Variants in NCBP1 observed in about 807,000 individuals in gnomAD.
NCBP1 encodes the protein nuclear cap binding protein subunit 1, also known as nuclear cap-binding protein subunit 1.
A neutral mutation model predicts 111.7 loss-of-function variants in NCBP1; 16 were observed. The ratio of observed to expected loss-of-function variants is 0.14; its 90% CI spans 0.10 to 0.22. The LOEUF (loss-of-function observed/expected upper bound fraction) is 0.22. NCBP1 is among the 10% of genes least tolerant of loss of function. NCBP1 has a pLI of 1.00. For missense variants in NCBP1, 607 were observed against 957.5 expected (o/e 0.63, Z 4.83); for synonymous variants, 304 against 314.3 (o/e 0.97, Z 0.35).
Position 97,666,208 on chromosome 9 carries a change from TTAG to T in NCBP1, c.1902-552_1902-550del, listed in dbSNP as rs781722175. Among the ~76,000 whole-genome samples the T allele has an allele frequency of 1.0e-3, 155 of 152,346 alleles. No individual in the cohort carries two copies. The Middle Eastern group carries it at 0.017, about 17-fold the overall frequency. ...ATTTCAAAGCACCTACAAAGTGATC[TTAG>T]TATGTATTTGCTAGTAAGAAAGCTG... On this transcript the variant is annotated intron_variant, in intron 19 of 22. Coordinates refer to ENST00000375147, the MANE Select transcript of NCBP1 (RefSeq NM_002486.5).
At chr9:97,655,330 T>C (rs555233724) in intron 12 of NCBP1, among the ~76,000 whole-genome samples, 1 of 152,262 alleles carries the variant, frequency 6.6e-6, no homozygotes, top group East Asian at 1.9e-4. Context: ...CCTGCCTTAG[T>C]CTCCATCCCG....
intron 17 of NCBP1, 92 bp downstream of exon 17, chr9:97,662,236 A>G: frequency 1.1e-6 from 1 of 950,742 alleles, no homozygotes; most frequent in Non-Finnish European, 1.7e-6. Flanking sequence ...ATTGTTGAAT[A>G]TGAAGATCTT....
rs575458346 is a variant in NCBP1, at chr9:97,645,845, A to G, written c.611+113A>G. Reference sequence around the variant, plus strand: ...TGTAGAGTTCCTGAAGGTATTTTCTAGGTAATCCTGTTCTCCTGCTGTTTT... The same window carrying G: ...TGTAGAGTTCCTGAAGGTATTTTCTGGGTAATCCTGTTCTCCTGCTGTTTT... On this transcript the variant is annotated intron_variant, in intron 6 of 22. Coordinates refer to ENST00000375147, the MANE Select transcript of NCBP1 (RefSeq NM_002486.5). The G allele has an allele frequency of 9.4e-5, 121 of 1,293,344 alleles. 2 individuals are homozygous for G. The South Asian group carries it at 1.7e-3, about 18-fold the overall frequency. 80.1% of individuals were successfully genotyped at this position (1,293,344 alleles called of 1,614,324 possible).
chr9:97,660,703 C>T lies in NCBP1; in HGVS notation c.1478-243C>T, dbSNP rs117740828. Reference sequence around the variant, plus strand: ...ACCTTGTGCTCTAAATTTTACTTAGCTAAGTGTCCTTAATGAATTGTTGAA... The same window carrying T: ...ACCTTGTGCTCTAAATTTTACTTAGTTAAGTGTCCTTAATGAATTGTTGAA... On this transcript the variant is annotated intron_variant, in intron 15 of 22. Transcript: ENST00000375147. 1.6e-4 allele frequency among the ~76,000 whole-genome samples: 24 copies of T among 152,282 alleles called. 1 individual carries two copies. The East Asian group carries it at 4.6e-3, about 29-fold the overall frequency.
intron 8 of NCBP1, among the ~76,000 whole-genome samples, chr9:97,649,314 C>T (rs537708624): frequency 3.3e-5 from 5 of 152,178 alleles, no homozygotes; most frequent in South Asian, 4.1e-4. Context: ...AGATGCTCAG[C>T]GGTGTCCCTG....
chr9:97,658,765 T>A lies in NCBP1; in HGVS notation c.1477+22T>A, dbSNP rs370465854. 39 of 1,519,278 alleles carry A rather than the reference T, an allele frequency of 2.6e-5. No individual in the cohort carries two copies. The African/African-American group carries it at 5.4e-4, about 21-fold the overall frequency. 94.1% of individuals were successfully genotyped at this position (1,519,278 alleles called of 1,614,324 possible). A position where few individuals can be genotyped will look rare whatever the true frequency, so the allele number is the denominator to read the frequency against. Reference sequence around the variant, plus strand: ...AGCAGTAAGTAATGAAACTAATCCCTCTGTCTTTAAAAGGTACCAGTTCAA... The same window carrying A: ...AGCAGTAAGTAATGAAACTAATCCCACTGTCTTTAAAAGGTACCAGTTCAA... On this transcript the variant is annotated intron_variant, in intron 15 of 22. Transcript: ENST00000375147.
chr9:97,666,465 T>C (rs773540092), intron 19 of NCBP1, among the ~76,000 whole-genome samples: 2 of 152,228 alleles, frequency 1.3e-5, no homozygotes, highest in Non-Finnish European at 2.9e-5. Context: ...ATGTCCATCA[T>C]AGTTTGCCAT....
intron 4 of NCBP1, among the ~76,000 whole-genome samples, chr9:97,644,531 G>A (rs1268791880): frequency 6.6e-6 from 1 of 152,108 alleles, no homozygotes; most frequent in African/African-American, 2.4e-5. Flanking sequence ...TATTGAGATT[G>A]TGCTTGTTCC....
Position 97,671,151 on chromosome 9 carries a change from C to T in NCBP1, c.2325C>T (p.Asp775=), listed in dbSNP as rs954453755. Residue 775 remains aspartate, a synonymous_variant, in exon 23 of 23, where the codon GAC becomes GAT. Coordinates refer to ENST00000375147, the MANE Select transcript of NCBP1 (RefSeq NM_002486.5). ...ACCTTCTCTTCACTGCTGAATTAGA[C>T]CCTCATATCTTGGCCGTGTTCCAGC... ...LENLLFTAEL[D]PHILAVFQQF... 4 of 1,613,454 alleles carry T rather than the reference C, an allele frequency of 2.5e-6. No individual in the cohort carries two copies. In the African/African-American group the frequency reaches 5.3e-5, roughly 22 times the overall value.
chr9:97,660,167 A>G (rs1272471919), intron 15 of NCBP1, among the ~76,000 whole-genome samples: 1 of 152,172 alleles, frequency 6.6e-6, no homozygotes. Context: ...TTTTAGAGAA[A>G]AAGCTCACAG....
rs1300172022 is a variant in NCBP1, at chr9:97,645,785, A to G, written c.611+53A>G. The G allele has an allele frequency of 2.0e-5, 32 of 1,585,690 alleles. No homozygotes were observed. The Admixed American group carries it at 3.7e-4, about 18-fold the overall frequency. ...GTTGCTTAGGTAAAGGATATCTTAT[A>G]TCAGTGATACCATTTGAGTTTCTCA... On this transcript the variant is annotated intron_variant, in intron 6 of 22. Coordinates refer to ENST00000375147, the MANE Select transcript of NCBP1 (RefSeq NM_002486.5).
At chr9:97,652,516 A>C (rs767515204) in intron 10 of NCBP1, among the ~76,000 whole-genome samples, 3 of 152,194 alleles carry the variant, frequency 2.0e-5, no homozygotes, top group African/African-American at 7.2e-5. Context: ...GGTGCCAGCT[A>C]CTTAGGGGTG....
chr9:97,636,664 AT>A (rs1827048824), intron 1 of NCBP1, among the ~76,000 whole-genome samples: 10 of 139,234 alleles, frequency 7.2e-5, no homozygotes, highest in African/African-American at 2.6e-4. Context: ...ATATATATAT[AT>A]ATATATATAA....
intron 10 of NCBP1, among the ~76,000 whole-genome samples, chr9:97,653,419 C>T: frequency 6.6e-6 from 1 of 152,166 alleles, no homozygotes; most frequent in East Asian, 1.9e-4. Flanking sequence ...CTGCGCCCAG[C>T]CTAAGAGTTC....
In NCBP1 at chr9:97,673,178, CTGTT is replaced by C. The variant is rs1191266735; in HGVS notation, c.*1984_*1987del. 2.0e-5 allele frequency: 3 copies of C among 151,984 alleles called. No individual in the cohort carries two copies. The highest frequency in any genetic ancestry group is 3.9e-4 in the East Asian group (2 of 5,194). The allele number at this position is 151,984 out of a possible 1,614,324, so 9.4% of individuals were successfully genotyped here. ...ATAACATACAAAATGAGTTTATCAA[CTGTT>C]TGTTATTGGTAAGTCAGCAGTGGGC... On this transcript the variant is annotated 3_prime_UTR_variant, in exon 23 of 23. Coordinates refer to ENST00000375147, the MANE Select transcript of NCBP1 (RefSeq NM_002486.5).
At chr9:97,642,872 A>G (rs1252673254) in intron 3 of NCBP1, among the ~76,000 whole-genome samples, 1 of 152,144 alleles carries the variant, frequency 6.6e-6, no homozygotes, top group Non-Finnish European at 1.5e-5. Flanking sequence ...TACCATGGAA[A>G]CCATGTTCTG....
At chr9:97,650,481 A>G (rs1210713484) in intron 8 of NCBP1, 22 bp from the exon 9 acceptor site, 6 of 1,562,108 alleles carry the variant, frequency 3.8e-6, no homozygotes, top group Non-Finnish European at 5.3e-6. Flanking sequence ...CCTGTAGTGT[A>G]CACATTTGGT....
At chr9:97,649,668 A>G (rs1827444278) in intron 8 of NCBP1, among the ~76,000 whole-genome samples, 1 of 152,074 alleles carries the variant, frequency 6.6e-6, no homozygotes, top group South Asian at 2.1e-4. Flanking sequence ...AAATTATGTA[A>G]TGATCTACTT....
In NCBP1 at chr9:97,633,855, C is replaced by G. The variant is rs1033411146; in HGVS notation, c.-27C>G. 49 of 1,576,146 alleles carry G rather than the reference C, an allele frequency of 3.1e-5. No individual in the cohort carries two copies. Among genetic ancestry groups the G allele is most frequent in the Non-Finnish European group, 4.2e-5 (49 of 1,167,978 alleles). On this transcript the variant is annotated 5_prime_UTR_variant, in exon 1 of 23. Coordinates refer to ENST00000375147, the MANE Select transcript of NCBP1 (RefSeq NM_002486.5). ...CTGCAGCGCTTACCGCCTGGCCTCT[C>G]GGTTCCGCGGCGCACCGGAGGGCAG...
Sources: allele counts gnomAD v4.1 joint callset (sites outside exome capture counted in the v4.1 genomes callset), GRCh38; gene constraint gnomAD v4.1.1; transcripts MANE v1.5; gene names NCBI Gene and HGNC (gene_info 2026-07-23, HGNC 2026-07-21).